CREB5: variants seen among roughly 807,000 people sequenced by gnomAD.
CREB5 encodes the protein cyclic AMP-responsive element-binding protein 5.
CREB5 carries 19 observed loss-of-function variants against 57.1 expected under a neutral mutation model. The observed-to-expected ratio is 0.33, with a 90% CI of 0.23 to 0.49. The LOEUF (loss-of-function observed/expected upper bound fraction) is 0.49, where lower values mean the gene tolerates loss of function less well. Among genes scored for constraint, CREB5 ranks in the 20% least tolerant of loss-of-function variants. The pLI is 0.99. For synonymous variants in CREB5, 238 were observed against 238.3 expected (o/e 1.00, Z 0.01); for missense variants, 579 against 671.6 (o/e 0.86, Z 1.52).
intron 4 of CREB5, among the ~76,000 whole-genome samples, chr7:28,557,423 C>T (rs1794922457): frequency 6.6e-6 from 1 of 151,904 alleles, no homozygotes; most frequent in African/African-American, 2.4e-5. Context: ...AGAAAGAAAT[C>T]ATAAAAGAGA....
At chr7:28,773,593 A>T (rs756515712) in intron 7 of CREB5, among the ~76,000 whole-genome samples, 3 of 152,222 alleles carry the variant, frequency 2.0e-5, no homozygotes, top group Non-Finnish European at 4.4e-5. Context: ...GCCATACGTG[A>T]TACCTGAATG....
At chr7:28,427,375 C>T (rs938001956) in intron 1 of CREB5, among the ~76,000 whole-genome samples, 1 of 151,980 alleles carries the variant, frequency 6.6e-6, no homozygotes, top group Admixed American at 6.6e-5. Flanking sequence ...CTTAACCAAC[C>T]CCTATTGTTT....
At chr7:28,393,757 T>C (rs926648282) in intron 1 of CREB5, among the ~76,000 whole-genome samples, 1 of 152,178 alleles carries the variant, frequency 6.6e-6, no homozygotes, top group Non-Finnish European at 1.5e-5. Context: ...ATACCTGCAT[T>C]ACCTGTGAAA....
At chr7:28,661,736 A>G (rs923075022) in intron 5 of CREB5, among the ~76,000 whole-genome samples, 5 of 152,318 alleles carry the variant, frequency 3.3e-5, no homozygotes, top group African/African-American at 1.2e-4. Flanking sequence ...CTAGGTTTAC[A>G]GCACACTCAT....
At chr7:28,532,133 C>G (rs895738401) in intron 4 of CREB5, among the ~76,000 whole-genome samples, 1 of 152,164 alleles carries the variant, frequency 6.6e-6, no homozygotes, top group South Asian at 2.1e-4. Context: ...GTTGGGGAAG[C>G]CAGAGCCATG....
chr7:28,534,105 A>G (rs1471173996), intron 4 of CREB5, among the ~76,000 whole-genome samples: 1 of 152,238 alleles, frequency 6.6e-6, no homozygotes, highest in African/African-American at 2.4e-5. Context: ...CTCAGGCCTC[A>G]GGAATAGGAA....
At chr7:28,543,877 T>C (rs1313272575) in intron 4 of CREB5, among the ~76,000 whole-genome samples, 1 of 151,054 alleles carries the variant, frequency 6.6e-6, no homozygotes, top group African/African-American at 2.4e-5. Flanking sequence ...AGTCACATAA[T>C]ATGTGATTCA....
chr7:28,655,361 C>T (rs1390542548), intron 5 of CREB5, among the ~76,000 whole-genome samples: 1 of 152,126 alleles, frequency 6.6e-6, no homozygotes, highest in Non-Finnish European at 1.5e-5. Context: ...AATCCTAGCC[C>T]TTTGGGAGGC....
chr7:28,601,870 G>T (rs56760616), intron 5 of CREB5, among the ~76,000 whole-genome samples: 2 of 151,998 alleles, frequency 1.3e-5, no homozygotes, highest in Non-Finnish European at 2.9e-5. Flanking sequence ...ACTATAGTTA[G>T]GTTACTGAAT....
At chr7:28,722,116 T>A (rs553398183) in intron 6 of CREB5, among the ~76,000 whole-genome samples, 1 of 152,364 alleles carries the variant, frequency 6.6e-6, no homozygotes, top group South Asian at 2.1e-4. Context: ...TGCAATTTTT[T>A]AAATAGATAA....
chr7:28,695,974 G>A (rs1801538267), intron 5 of CREB5, among the ~76,000 whole-genome samples: 1 of 152,228 alleles, frequency 6.6e-6, no homozygotes, highest in Admixed American at 6.5e-5. Flanking sequence ...ATTCATAGTT[G>A]TTTTAATGAC....
At chr7:28,733,478 G>A (rs1033955221) in intron 7 of CREB5, among the ~76,000 whole-genome samples, 2 of 152,122 alleles carry the variant, frequency 1.3e-5, no homozygotes, top group African/African-American at 4.8e-5. Flanking sequence ...GCCTCTGGCT[G>A]CCCCGCCTAG....
At chr7:28,311,010 T>C (rs1002252903) in intron 1 of CREB5, among the ~76,000 whole-genome samples, 1 of 152,036 alleles carries the variant, frequency 6.6e-6, no homozygotes, top group Non-Finnish European at 1.5e-5. Context: ...ATAAATATTT[T>C]AGGCCAGGCA....
At chr7:28,797,635 A>G (rs1271488249) in intron 7 of CREB5, among the ~76,000 whole-genome samples, 1 of 152,232 alleles carries the variant, frequency 6.6e-6, no homozygotes, top group African/African-American at 2.4e-5. Flanking sequence ...GATTAAGCCA[A>G]GTATGATCTT....
intron 5 of CREB5, among the ~76,000 whole-genome samples, chr7:28,670,928 T>G (rs537311125): frequency 2.7e-4 from 41 of 152,266 alleles, no homozygotes; most frequent in Non-Finnish European, 5.3e-4. Context: ...ACTCCTGGCC[T>G]CAGGCAATTG....
chr7:28,303,135 T>C (rs1012658917), intron 1 of CREB5, among the ~76,000 whole-genome samples: 5 of 98,698 alleles, frequency 5.1e-5, no homozygotes, highest in African/African-American at 7.1e-5. Context: ...AGAGCAAAAC[T>C]CCATCTCAAA....
intron 4 of CREB5, among the ~76,000 whole-genome samples, chr7:28,545,865 C>G (rs1424319084): frequency 6.6e-6 from 1 of 152,110 alleles, no homozygotes; most frequent in Non-Finnish European, 1.5e-5. Context: ...TGTGCTATTA[C>G]TTTTTTCACG....
At chr7:28,384,969 C>A (rs1392502161) in intron 1 of CREB5, among the ~76,000 whole-genome samples, 1 of 151,896 alleles carries the variant, frequency 6.6e-6, no homozygotes, top group African/African-American at 2.4e-5. Flanking sequence ...TTCAACATAC[C>A]AAATCAGTGT....
Position 28,802,743 on chromosome 7 carries a change from C to A in CREB5, c.703-1456C>A, listed in dbSNP as rs531031101. On this transcript the variant is annotated intron_variant, in intron 7 of 10. Coordinates refer to ENST00000357727, the MANE Select transcript of CREB5 (RefSeq NM_182898.4). The stretch of plus-strand genomic sequence containing the variant: ...AAACTGGGACTAAGCTGATTATCAA[C>A]TGAATCTTTAGAACGGGGTTAGCAA... Among the ~76,000 whole-genome samples, 22 of 152,366 alleles carry A rather than the reference C, an allele frequency of 1.4e-4. No homozygotes were observed. The South Asian group carries it at 4.6e-3, about 32-fold the overall frequency.
Sources: allele counts gnomAD v4.1 joint callset (sites outside exome capture counted in the v4.1 genomes callset), GRCh38; gene constraint gnomAD v4.1.1; transcripts MANE v1.5; gene names NCBI Gene and HGNC (gene_info 2026-07-23, HGNC 2026-07-21).